CNTNAP2: variants seen among roughly 807,000 people sequenced by gnomAD.
The protein encoded by CNTNAP2 is contactin-associated protein-like 2.
A neutral mutation model predicts 155.2 loss-of-function variants in CNTNAP2; 98 were observed. That is an observed-to-expected ratio of 0.63 (90% CI 0.54 to 0.75). The LOEUF is 0.75. Among genes scored for constraint, CNTNAP2 ranks in the 30% least tolerant of loss-of-function variants. CNTNAP2 has a pLI of 0.00. For missense variants in CNTNAP2, 1,727 were observed against 1,688.1 expected (o/e 1.02, Z -0.40); for synonymous variants, 651 against 631.2 (o/e 1.03, Z -0.47).
chr7:146,914,805 A>G (rs1225967404), intron 3 of CNTNAP2, among the ~76,000 whole-genome samples: 2 of 151,758 alleles, frequency 1.3e-5, no homozygotes, highest in Admixed American at 6.6e-5. Context: ...CTTTAGTTTA[A>G]TTAGGTTCCA....
chr7:147,078,491 C>T (rs1396981227), intron 4 of CNTNAP2, among the ~76,000 whole-genome samples: 3 of 152,040 alleles, frequency 2.0e-5, no homozygotes, highest in African/African-American at 7.2e-5. Flanking sequence ...ACTGATTAGA[C>T]AGGGAATTCT....
At chr7:147,664,738 AG>A (rs918211164) in intron 13 of CNTNAP2, among the ~76,000 whole-genome samples, 2 of 152,138 alleles carry the variant, frequency 1.3e-5, no homozygotes, top group African/African-American at 4.8e-5. Context: ...TTGACTTTAC[AG>A]GGTCTTTCAT....
chr7:147,581,933 G>A (rs1584829856), intron 12 of CNTNAP2, among the ~76,000 whole-genome samples: 1 of 152,254 alleles, frequency 6.6e-6, no homozygotes, highest in African/African-American at 2.4e-5. Flanking sequence ...GTTATGGAAT[G>A]TAATGTGAGA....
chr7:146,277,071 G>A (rs1225021021), intron 1 of CNTNAP2, among the ~76,000 whole-genome samples: 2 of 152,088 alleles, frequency 1.3e-5, no homozygotes, highest in African/African-American at 4.8e-5. Context: ...AGACAGAAAG[G>A]TAGAGGACAC....
chr7:148,214,804 C>T (rs942670607), intron 18 of CNTNAP2, among the ~76,000 whole-genome samples: 8 of 152,232 alleles, frequency 5.3e-5, no homozygotes, highest in African/African-American at 1.9e-4. Context: ...CTCCTGGCCT[C>T]GTGATCCGCC....
chr7:146,558,392 G>A (rs144976362), intron 1 of CNTNAP2, among the ~76,000 whole-genome samples: 14 of 152,160 alleles, frequency 9.2e-5, no homozygotes, highest in African/African-American at 1.4e-4. Flanking sequence ...TTATAAGAAC[G>A]ACATCTGGCA....
At chr7:147,334,416 T>C (rs1013562556) in intron 9 of CNTNAP2, among the ~76,000 whole-genome samples, 3 of 152,206 alleles carry the variant, frequency 2.0e-5, no homozygotes, top group African/African-American at 7.2e-5. Context: ...GCCATTTATT[T>C]CTTAGGGAAG....
At chr7:147,034,621 C>A (rs1034133939) in intron 3 of CNTNAP2, among the ~76,000 whole-genome samples, 1 of 152,106 alleles carries the variant, frequency 6.6e-6, no homozygotes, top group Middle Eastern at 3.2e-3. Flanking sequence ...TCAGAAAAAT[C>A]GGATCACATG....
intron 1 of CNTNAP2, among the ~76,000 whole-genome samples, chr7:146,714,786 CA>C (rs1801158528): frequency 5.9e-5 from 9 of 152,076 alleles, no homozygotes; most frequent in Admixed American, 3.9e-4. Flanking sequence ...TACTGAATTT[CA>C]ACAATATTCC....
At chr7:147,482,435 T>C (rs542491645) in intron 10 of CNTNAP2, among the ~76,000 whole-genome samples, 1 of 152,042 alleles carries the variant, frequency 6.6e-6, no homozygotes, top group Non-Finnish European at 1.5e-5. Context: ...AAAATAAGAA[T>C]CAGGCCCGTG....
At chr7:147,332,923 A>G (rs1795598284) in intron 9 of CNTNAP2, among the ~76,000 whole-genome samples, 1 of 152,072 alleles carries the variant, frequency 6.6e-6, no homozygotes, top group Non-Finnish European at 1.5e-5. Flanking sequence ...ATATAGGTGG[A>G]TTTTTCATAA....
At chr7:146,552,903 C>T (rs1398165955) in intron 1 of CNTNAP2, among the ~76,000 whole-genome samples, 3 of 152,110 alleles carry the variant, frequency 2.0e-5, no homozygotes, top group Non-Finnish European at 2.9e-5. Context: ...TTCCTATCTT[C>T]ATTCCAAAGG....
chr7:147,438,541 G>A (rs984907678), intron 10 of CNTNAP2, among the ~76,000 whole-genome samples: 1 of 151,676 alleles, frequency 6.6e-6, no homozygotes, highest in African/African-American at 2.4e-5. Flanking sequence ...ATATTGGCCT[G>A]TAGTTTTATT....
At chr7:147,121,250 CTACT>C (rs1184100247) in intron 6 of CNTNAP2, 87 bp downstream of exon 6, 11 of 1,251,978 alleles carry the variant, frequency 8.8e-6, no homozygotes, top group Non-Finnish European at 1.2e-5. Context: ...AATTATATTA[CTACT>C]TACACCTTTT....
chr7:146,952,629 C>A (rs573846894), intron 3 of CNTNAP2, among the ~76,000 whole-genome samples: 2 of 152,020 alleles, frequency 1.3e-5, no homozygotes, highest in South Asian at 2.1e-4. Flanking sequence ...TCCTATACAC[C>A]AATAATAGAC....
intron 3 of CNTNAP2, among the ~76,000 whole-genome samples, chr7:146,990,944 TAGAA>T (rs1008962532): frequency 1.3e-5 from 2 of 151,958 alleles, no homozygotes; most frequent in African/African-American, 4.8e-5. Flanking sequence ...CTGGGGGAAA[TAGAA>T]AGCCCTAAGA....
chr7:148,080,667 A>T (rs117769828), intron 15 of CNTNAP2, among the ~76,000 whole-genome samples: 167 of 152,130 alleles, frequency 1.1e-3, no homozygotes, highest in Middle Eastern at 3.4e-3. Context: ...CTACCTACCT[A>T]TGCCTTGCCA....
intron 15 of CNTNAP2, chr7:148,044,823 T>C (rs1367537689): frequency 4.6e-5 from 7 of 152,418 alleles, no homozygotes; most frequent in Admixed American, 4.6e-4. Flanking sequence ...TGTTTTGTTT[T>C]GGTTCGGTTT....
intron 2 of CNTNAP2, among the ~76,000 whole-genome samples, chr7:146,788,264 G>A (rs1315934909): frequency 6.6e-6 from 1 of 152,222 alleles, no homozygotes; most frequent in Non-Finnish European, 1.5e-5. Flanking sequence ...CCACAGCACA[G>A]CAGCGGGCTG....
Sources: gnomAD v4.1 joint callset for allele counts (sites outside exome capture counted in the v4.1 genomes callset) on GRCh38, gnomAD v4.1.1 for gene constraint, MANE v1.5 for transcripts, NCBI Gene and HGNC (gene_info 2026-07-23, HGNC 2026-07-21) for gene names.